Variants in LIG1 observed in about 807,000 individuals in gnomAD.
LIG1 encodes DNA ligase 1.
A neutral mutation model predicts 115.7 loss-of-function variants in LIG1; 70 were observed. The ratio of observed to expected loss-of-function variants is 0.60; its 90% CI spans 0.50 to 0.74. The LOEUF is 0.74. LIG1 is among the 30% of genes least tolerant of loss of function. The pLI, the probability that LIG1 is intolerant of heterozygous loss-of-function variation, is 0.00. For missense variants in LIG1, 1,115 were observed against 1,225.6 expected (o/e 0.91, Z 1.35); for synonymous variants, 487 against 495.3 (o/e 0.98, Z 0.22).
At chr19:48,139,260 G>A (rs568651639) in intron 12 of LIG1, among the ~76,000 whole-genome samples, 37 of 152,306 alleles carry the variant, frequency 2.4e-4, no homozygotes, top group African/African-American at 8.2e-4. Context: ...CCCCCTGCAG[G>A]TGCCTGCCCC....
At chr19:48,149,676 G>A (rs552800163) in intron 9 of LIG1, 87 bp downstream of exon 9, 8 of 1,035,414 alleles carry the variant, frequency 7.7e-6, no homozygotes, top group African/African-American at 1.6e-5. Flanking sequence ...TGCAAGAGGA[G>A]GAAGCCTGAG....
chr19:48,148,597 G>A (rs1314613810), intron 9 of LIG1, among the ~76,000 whole-genome samples: 1 of 152,126 alleles, frequency 6.6e-6, no homozygotes, highest in Non-Finnish European at 1.5e-5. Context: ...TGGCTCATGA[G>A]GGCACTGGGA....
chr19:48,123,448 G>A (rs2033441469), intron 21 of LIG1, 130 bp from the exon 22 acceptor site: 1 of 1,064,254 alleles, frequency 9.4e-7, no homozygotes. Flanking sequence ...AGCCTTGAGA[G>A]GGAAGAACCC....
rs1256542066 is a variant in LIG1, at chr19:48,153,859, T to C, written c.466+13A>G. On this transcript the variant is annotated intron_variant, in intron 6 of 27. Coordinates refer to ENST00000263274, the MANE Select transcript of LIG1 (RefSeq NM_000234.3). ...ACACACACACACACACTTCTCTCCT[T>C]CTGGGGGCTCACCTTCCTCCTCCTT... The C allele has an allele frequency of 6.6e-7, 1 of 1,507,930 alleles. No homozygotes were observed. Among genetic ancestry groups the C allele is most frequent in the Non-Finnish European group, 9.0e-7 (1 of 1,115,210 alleles). 93.4% of individuals were successfully genotyped at this position (1,507,930 alleles called of 1,614,324 possible). A position where few individuals can be genotyped will look rare whatever the true frequency, so the allele number is the denominator to read the frequency against.
chr19:48,161,062 A>C, intron 4 of LIG1: 1 of 416,284 alleles, frequency 2.4e-6, no homozygotes, highest in Non-Finnish European at 4.5e-6. Context: ...ACCATCAGGC[A>C]TTATTCTCAG....
intron 19 of LIG1, among the ~76,000 whole-genome samples, chr19:48,128,600 T>C (rs1238556931): frequency 6.6e-6 from 1 of 152,206 alleles, no homozygotes; most frequent in Non-Finnish European, 1.5e-5. Context: ...CCTCTTCCAC[T>C]ACTGGGCCTT....
intron 12 of LIG1, among the ~76,000 whole-genome samples, chr19:48,139,513 C>T (rs2122665249): frequency 6.6e-6 from 1 of 152,304 alleles, no homozygotes; most frequent in Admixed American, 6.5e-5. Flanking sequence ...ACTCCAGGCC[C>T]TTGGCAGGCG....
At chr19:48,158,067 T>C (rs2035960012) in intron 4 of LIG1, among the ~76,000 whole-genome samples, 1 of 152,142 alleles carries the variant, frequency 6.6e-6, no homozygotes, top group Admixed American at 6.6e-5. Flanking sequence ...ACACACCTGC[T>C]CCTCCTTCAC....
At chr19:48,165,377 C>T (rs1599890161) in intron 2 of LIG1, among the ~76,000 whole-genome samples, 173 bp downstream of exon 2, 1 of 152,212 alleles carries the variant, frequency 6.6e-6, no homozygotes, top group South Asian at 2.1e-4. Flanking sequence ...GTTCAATACA[C>T]TGTCTTCCAT....
In LIG1 at chr19:48,137,930, C is replaced by A. The variant is rs1568507996; in HGVS notation, c.1088-242G>T. ...GCCAGGAAAGCGGTGGATGAACGAG[C>A]ATGACCACACTCAGGGGAGACATCT... On this transcript the variant is annotated intron_variant, in intron 12 of 27. Transcript: ENST00000263274. The surrounding 1 kb of genome is among the most constrained non-coding windows in gnomAD (Gnocchi z 4.3). The A allele has an allele frequency of 8.4e-6, 5 of 593,298 alleles. No individual in the cohort carries two copies. The highest frequency in any genetic ancestry group is 1.5e-5 in the Non-Finnish European group (5 of 327,244). The allele number at this position is 593,298 out of a possible 1,614,324, so 36.8% of individuals were successfully genotyped here.
chr19:48,151,482 T>G (rs1262966312), intron 6 of LIG1, 143 bp from the exon 7 acceptor site: 1 of 631,576 alleles, frequency 1.6e-6, no homozygotes, highest in East Asian at 3.2e-5. Context: ...CAGGCTGGAG[T>G]GCAATGGTGT....
intron 18 of LIG1, among the ~76,000 whole-genome samples, chr19:48,132,001 C>T (rs893259720): frequency 3.4e-5 from 5 of 148,474 alleles, no homozygotes; most frequent in African/African-American, 7.5e-5. Context: ...TGTAGTGGCA[C>T]GATCTTGGCT....
intron 21 of LIG1, chr19:48,123,707 T>C: frequency 3.2e-6 from 1 of 316,244 alleles, no homozygotes; most frequent in South Asian, 2.9e-5. Context: ...AGCCTCCGCC[T>C]CCTGAATTCA....
intron 17 of LIG1, 128 bp downstream of exon 17, chr19:48,133,853 G>A (rs1450554426): frequency 1.3e-6 from 1 of 749,346 alleles, no homozygotes; most frequent in African/African-American, 1.7e-5. Context: ...CCAGGGAGGA[G>A]CATTTGGTTT....
At chr19:48,151,850 T>C (rs1294524122) in intron 6 of LIG1, among the ~76,000 whole-genome samples, 3 of 152,158 alleles carry the variant, frequency 2.0e-5, no homozygotes, top group Non-Finnish European at 2.9e-5. Context: ...GGTGTGTCTT[T>C]CCTTACCAAT....
intron 21 of LIG1, among the ~76,000 whole-genome samples, chr19:48,124,561 C>G (rs1267675447): frequency 6.6e-6 from 1 of 152,180 alleles, no homozygotes; most frequent in Non-Finnish European, 1.5e-5. Context: ...CAGTCACTGG[C>G]TTTAGAAGAC....
chr19:48,145,003 G>A (rs972600209), intron 9 of LIG1, among the ~76,000 whole-genome samples: 5 of 152,130 alleles, frequency 3.3e-5, no homozygotes, highest in African/African-American at 1.2e-4. Flanking sequence ...AACCTCCAGG[G>A]CTCAAGGGAT....
chr19:48,121,239 G>A lies in LIG1; in HGVS notation c.2316C>T (p.Ala772=), dbSNP rs754679745. Residue 772 remains alanine (A), a synonymous_variant, in exon 24 of 28, where the codon GCC becomes GCT. Transcript: ENST00000263274. ...IGAYLGRGKR[A]GRYGGFLLAS... is the part of the protein sequence containing the mutation. ...CCAGCAGGAAGCCCCCGTACCGGCC[G>A]GCCCGCTTCCCCCGGCCCAGGTAGG... 35 of 1,613,790 alleles carry A rather than the reference G, an allele frequency of 2.2e-5. No individual in the cohort carries two copies. In the East Asian group the frequency reaches 4.0e-4, roughly 18 times the overall value.
intron 7 of LIG1, among the ~76,000 whole-genome samples, chr19:48,150,728 T>TG (rs2035418497): frequency 1.3e-5 from 2 of 152,172 alleles, no homozygotes; most frequent in Admixed American, 1.3e-4. Flanking sequence ...GGGGAGTTCT[T>TG]GCTCTGTGGC....
Sources: gnomAD v4.1 joint callset for allele counts (sites outside exome capture counted in the v4.1 genomes callset) on GRCh38, gnomAD v4.1.1 for gene constraint, Gnocchi (gnomAD v3.1) non-coding constraint, MANE v1.5 for transcripts, NCBI Gene and HGNC (gene_info 2026-07-23, HGNC 2026-07-21) for gene names.